Variants in PHACTR3 observed in about 807,000 individuals in gnomAD.
PHACTR3 encodes phosphatase and actin regulator 3.
In PHACTR3, 16 loss-of-function variants were observed where a neutral mutation model predicts 66.8. That is an observed-to-expected ratio of 0.24 (90% CI 0.16 to 0.36). The LOEUF is 0.36. Among genes scored for constraint, PHACTR3 ranks in the 10% least tolerant of loss-of-function variants. PHACTR3 has a pLI of 1.00. For synonymous variants in PHACTR3, 323 were observed against 292.1 expected (o/e 1.11, Z -1.08); for missense variants, 647 against 719.9 (o/e 0.90, Z 1.16).
intron 3 of PHACTR3, among the ~76,000 whole-genome samples, chr20:59,749,164 G>T (rs775306309): frequency 1.3e-5 from 2 of 152,184 alleles, no homozygotes; most frequent in Non-Finnish European, 2.9e-5. Flanking sequence ...TAGAAATCTG[G>T]AGGATTTTCA....
At chr20:59,845,108 A>C in intron 11 of PHACTR3, 81 bp from the exon 12 acceptor site, 1 of 885,448 alleles carries the variant, frequency 1.1e-6, no homozygotes, top group Non-Finnish European at 1.8e-6. Flanking sequence ...AAGGATTAGG[A>C]ATGGTTAATT....
In PHACTR3 at chr20:59,604,922, C is replaced by A. The variant is rs571134234; in HGVS notation, c.-93C>A. The A allele has an allele frequency of 5.0e-6, 6 of 1,211,252 alleles. No individual in the cohort carries two copies. The African/African-American group carries it at 9.6e-5, about 19-fold the overall frequency. The allele number at this position is 1,211,252 out of a possible 1,614,324, so 75.0% of individuals were successfully genotyped here. A position where few individuals can be genotyped will look rare whatever the true frequency, so the allele number is the denominator to read the frequency against. On this transcript the variant is annotated 5_prime_UTR_variant, in exon 1 of 13. Transcript: ENST00000371015. ...TTTAATTTTCTTTTTTAAAAAGACG[C>A]CCCCTCCAGCCCCCTCGCCGGTGAC...
At chr20:59,670,651 C>T (rs977366530) in intron 1 of PHACTR3, among the ~76,000 whole-genome samples, 4 of 150,104 alleles carry the variant, frequency 2.7e-5, no homozygotes, top group African/African-American at 4.9e-5. Flanking sequence ...CTGCAAGGTC[C>T]GGGGAGACCC....
chr20:59,649,981 T>G (rs147530245), intron 1 of PHACTR3, among the ~76,000 whole-genome samples: 58 of 152,312 alleles, frequency 3.8e-4, no homozygotes, highest in Non-Finnish European at 6.9e-4. Context: ...TGGAAGAATT[T>G]CTTTTGGCAA....
intron 1 of PHACTR3, among the ~76,000 whole-genome samples, chr20:59,647,493 A>C (rs531676977): frequency 6.6e-6 from 1 of 152,270 alleles, no homozygotes; most frequent in South Asian, 2.1e-4. Context: ...AGCAGGTGGC[A>C]GCCAGGCCCT....
chr20:59,845,331 C>G (rs2059129500), intron 12 of PHACTR3, 66 bp downstream of exon 12: 5 of 1,009,930 alleles, frequency 5.0e-6, no homozygotes, highest in Non-Finnish European at 7.6e-6. Flanking sequence ...TCCCCCGTCC[C>G]CCGCCACAAA....
chr20:59,824,072 C>T (rs2042119590), intron 8 of PHACTR3, among the ~76,000 whole-genome samples: 1 of 152,212 alleles, frequency 6.6e-6, no homozygotes, highest in Non-Finnish European at 1.5e-5. Flanking sequence ...CAACCGGTAT[C>T]TAAGGCCTTC....
rs2041996189 is a variant in PHACTR3 at position 59,820,211 on chromosome 20, A to G, written c.1328+14017A>G. On this transcript the variant is annotated intron_variant, in intron 8 of 12. Coordinates refer to ENST00000371015, the MANE Select transcript of PHACTR3 (RefSeq NM_080672.5). This position sits in a 1 kb window ranked among gnomAD's most constrained non-coding sequence, Gnocchi z 4.6. ...GCCTCCAAGGTCAAGAAGACCACCA[A>G]GATTTATGAGGGCACTTTCAAGGAT... is the stretch of plus-strand genomic sequence containing the variant. Among the ~76,000 whole-genome samples the G allele has an allele frequency of 6.6e-6, 1 of 152,198 alleles. No homozygotes were observed. Among genetic ancestry groups the G allele is most frequent in the African/African-American group, 2.4e-5 (1 of 41,446 alleles).
intron 8 of PHACTR3, among the ~76,000 whole-genome samples, chr20:59,828,058 C>T (rs2042245130): frequency 6.6e-6 from 1 of 152,192 alleles, no homozygotes; most frequent in African/African-American, 2.4e-5. Flanking sequence ...GCCCCCCATT[C>T]CACTTGACTT....
chr20:59,591,551 C>T (rs959974570), intron 1 of PHACTR3, among the ~76,000 whole-genome samples: 3 of 152,162 alleles, frequency 2.0e-5, no homozygotes, highest in African/African-American at 7.2e-5. Flanking sequence ...GCAACTCCAG[C>T]TCCTCATCAT....
chr20:59,581,824 T>C (rs2146299382), intron 1 of PHACTR3, among the ~76,000 whole-genome samples: 1 of 149,958 alleles, frequency 6.7e-6, no homozygotes, highest in South Asian at 2.1e-4. Context: ...GAGCTTGCAG[T>C]GAGACGACAT....
rs141108200 is a variant in PHACTR3 at position 59,842,187 on chromosome 20, G to A, written c.1587+652G>A. Among the ~76,000 whole-genome samples the A allele has an allele frequency of 2.4e-3, 365 of 152,276 alleles. 8 individuals are homozygous for A. Among genetic ancestry groups the A allele is most frequent in the Admixed American group, 0.02 (308 of 15,290 alleles). ...GTGAGCACAGAGAGGGTCAGTTCTTGTCTGTGATCAAACACTTGACTGGCA... is the reference window on the plus strand; with the variant it reads ...GTGAGCACAGAGAGGGTCAGTTCTTATCTGTGATCAAACACTTGACTGGCA... On this transcript the variant is annotated intron_variant, in intron 11 of 12. Transcript: ENST00000371015.
chr20:59,656,421 A>G (rs1449643602), intron 1 of PHACTR3, among the ~76,000 whole-genome samples: 1 of 151,742 alleles, frequency 6.6e-6, no homozygotes, highest in Non-Finnish European at 1.5e-5. Flanking sequence ...CTATATCTCT[A>G]GTTTTAGAGT....
At chr20:59,685,942 C>T (rs557711743) in intron 1 of PHACTR3, among the ~76,000 whole-genome samples, 23 of 152,276 alleles carry the variant, frequency 1.5e-4, no homozygotes, top group South Asian at 8.3e-4. Context: ...CAGAGGCCCT[C>T]GGTAACTGCC....
At chr20:59,840,549 G>C (rs1234541433) in intron 10 of PHACTR3, 119 bp downstream of exon 10, 2 of 1,408,314 alleles carry the variant, frequency 1.4e-6, no homozygotes, top group Non-Finnish European at 9.6e-7. Flanking sequence ...ATGTTCTCCT[G>C]GACATCATGG....
At chr20:59,832,505 T>G (rs2042412463) in intron 8 of PHACTR3, among the ~76,000 whole-genome samples, 1 of 152,206 alleles carries the variant, frequency 6.6e-6, no homozygotes, top group African/African-American at 2.4e-5. Flanking sequence ...GGTGGGGGTC[T>G]GGGCAGGTCC....
At chr20:59,618,534 A>G (rs889490925) in intron 1 of PHACTR3, among the ~76,000 whole-genome samples, 1 of 152,204 alleles carries the variant, frequency 6.6e-6, no homozygotes, top group African/African-American at 2.4e-5. Context: ...GGCTGGGACT[A>G]CATTGCCCGG....
At chr20:59,606,654 C>T (rs1369694008) in intron 1 of PHACTR3, among the ~76,000 whole-genome samples, 1 of 152,126 alleles carries the variant, frequency 6.6e-6, no homozygotes, top group East Asian at 1.9e-4. Flanking sequence ...CCTTTGTCTC[C>T]CTGGCAGTAA....
intron 7 of PHACTR3, among the ~76,000 whole-genome samples, chr20:59,797,702 A>C (rs2041293216): frequency 6.6e-6 from 1 of 152,138 alleles, no homozygotes. Flanking sequence ...TTGGCTGCCA[A>C]ATACTTTTTC....
Sources: allele counts gnomAD v4.1 joint callset (sites outside exome capture counted in the v4.1 genomes callset), GRCh38; gene constraint gnomAD v4.1.1; non-coding constraint Gnocchi (gnomAD v3.1); transcripts MANE v1.5; gene names NCBI Gene and HGNC (gene_info 2026-07-23, HGNC 2026-07-21).